NELL2: variants seen among roughly 807,000 people sequenced by gnomAD.
NELL2 encodes neural EGFL like 2.
A neutral mutation model predicts 109.6 loss-of-function variants in NELL2; 41 were observed. That is an observed-to-expected ratio of 0.37 (90% CI 0.29 to 0.49). NELL2 has a LOEUF of 0.49. Ranked by LOEUF, NELL2 falls within the 20% of genes least tolerant of loss-of-function variation. NELL2 has a pLI of 0.98. For synonymous variants in NELL2, 355 were observed against 344.7 expected, an observed-to-expected ratio of 1.03 and a Z score of -0.33; for missense variants, 900 against 1,008.3, an observed-to-expected ratio of 0.89 and a Z score of 1.45.
chr12:44,619,531 T>C (rs1945966810), intron 13 of NELL2, among the ~76,000 whole-genome samples: 1 of 152,176 alleles, frequency 6.6e-6, no homozygotes, highest in South Asian at 2.1e-4. Flanking sequence ...TCCTCCTTTA[T>C]TTCTTTTCCA....
rs1566148007 is a variant in NELL2 at position 44,681,394 on chromosome 12, T to A, written c.1319-15785A>T. 4.7e-5 allele frequency among the ~76,000 whole-genome samples: 7 copies of A among 149,790 alleles called. No individual in the cohort carries two copies. In the East Asian group the frequency reaches 1.4e-3, roughly 29 times the overall value. ...GTTGGCATAACCCTTTTTTATTTATTTTTATTTATTTTATTTTATTTTATT... is the reference window on the plus strand; with the variant it reads ...GTTGGCATAACCCTTTTTTATTTATATTTATTTATTTTATTTTATTTTATT... On this transcript the variant is annotated intron_variant, in intron 12 of 19. Transcript: ENST00000429094.
At chr12:44,838,091 G>A (rs1479531399) in intron 2 of NELL2, among the ~76,000 whole-genome samples, 1 of 152,150 alleles carries the variant, frequency 6.6e-6, no homozygotes, top group Non-Finnish European at 1.5e-5. Context: ...ACAATCCATA[G>A]AGTTTACCTT....
chr12:44,563,704 A>G (rs1299012714), intron 15 of NELL2, among the ~76,000 whole-genome samples: 2 of 152,248 alleles, frequency 1.3e-5, no homozygotes, highest in East Asian at 3.8e-4. Flanking sequence ...GGCCATCATT[A>G]TAAATATTAA....
rs748283455 is a variant in NELL2 at position 44,791,183 on chromosome 12, C to CATATATATATAT, written c.336-11173_336-11162dup. On this transcript the variant is annotated intron_variant, in intron 3 of 19. Transcript: ENST00000429094. ...CACACACACATATATAGTATTCCAT[C>CATATATATATAT]ATATATATATATATATATATATATA... 3.2e-3 allele frequency among the ~76,000 whole-genome samples: 49 copies of CATATATATATAT among 15,094 alleles called. 5 individuals carry two copies. Among genetic ancestry groups the CATATATATATAT allele is most frequent in the South Asian group, 6.0e-3 (1 of 168 alleles). The allele number at this position is 15,094 out of a possible 152,430, so 9.9% of individuals were successfully genotyped here.
intron 3 of NELL2, among the ~76,000 whole-genome samples, chr12:44,793,498 A>G (rs1025438085): frequency 6.6e-6 from 1 of 152,200 alleles, no homozygotes. Context: ...CCCCACTTTT[A>G]GAAATTATTA....
intron 16 of NELL2, among the ~76,000 whole-genome samples, chr12:44,530,406 G>A (rs577100092): frequency 1.3e-5 from 2 of 152,216 alleles, no homozygotes; most frequent in African/African-American, 4.8e-5. Context: ...AAGTTGGAAG[G>A]GAACGTAACT....
At chr12:44,902,322 T>C (rs941840577) in intron 1 of NELL2, among the ~76,000 whole-genome samples, 13 of 152,096 alleles carry the variant, frequency 8.5e-5, no homozygotes, top group Non-Finnish European at 1.3e-4. Flanking sequence ...GAGAATACAA[T>C]ACCTAGGAAT....
At chr12:44,876,339 G>T, upstream of NELL2, 2 of 1,199,474 alleles carry the variant, frequency 1.7e-6, no homozygotes, top group African/African-American at 1.6e-5. Context: ...GGAGACGCGC[G>T]GAGAGACTGC....
At chr12:44,729,276 T>C (rs557254236) in intron 9 of NELL2, among the ~76,000 whole-genome samples, 1 of 152,190 alleles carries the variant, frequency 6.6e-6, no homozygotes, top group South Asian at 2.1e-4. Context: ...GTTAAGTTGT[T>C]ATCAACTTAA....
intron 12 of NELL2, among the ~76,000 whole-genome samples, chr12:44,687,537 G>T (rs1290884642): frequency 1.3e-5 from 2 of 152,100 alleles, no homozygotes; most frequent in Non-Finnish European, 2.9e-5. Context: ...GATGTCTTTG[G>T]TGTTCGTGAT....
At chr12:44,684,424 C>G (rs1264189027) in intron 12 of NELL2, among the ~76,000 whole-genome samples, 1 of 151,196 alleles carries the variant, frequency 6.6e-6, no homozygotes, top group African/African-American at 2.5e-5. Context: ...TCCTTCAGTT[C>G]TGCTCTGATT....
intron 9 of NELL2, among the ~76,000 whole-genome samples, chr12:44,723,644 G>T (rs1450932658): frequency 4.0e-5 from 6 of 151,752 alleles, no homozygotes; most frequent in African/African-American, 1.5e-4. Context: ...TTTTGTTTGG[G>T]GTTTTTTTAA....
intron 15 of NELL2, among the ~76,000 whole-genome samples, chr12:44,592,984 C>T (rs1341738762): frequency 1.3e-5 from 2 of 152,106 alleles, no homozygotes; most frequent in African/African-American, 4.8e-5. Context: ...ATTTGGAACA[C>T]TCTGCTACAA....
intron 2 of NELL2, among the ~76,000 whole-genome samples, chr12:44,821,885 T>TTTTATTTATTTATTTA (rs199661897): frequency 1.4e-5 from 2 of 141,236 alleles, no homozygotes; most frequent in African/African-American, 2.6e-5. Flanking sequence ...GCCCGGCTGG[T>TTTTATTTATTTATTTA]TTTATTTATT....
chr12:44,748,069 A>T (rs1940476517), intron 9 of NELL2, among the ~76,000 whole-genome samples: 1 of 152,156 alleles, frequency 6.6e-6, no homozygotes, highest in Admixed American at 6.6e-5. Flanking sequence ...ATTGTTCATC[A>T]GAGGAGAAAC....
chr12:44,518,855 A>G (rs1486433438), intron 19 of NELL2, among the ~76,000 whole-genome samples: 2 of 152,262 alleles, frequency 1.3e-5, no homozygotes, highest in Non-Finnish European at 2.9e-5. Context: ...CATATACATT[A>G]TTAGTAACTT....
chr12:44,833,144 G>C (rs113455984), intron 2 of NELL2, among the ~76,000 whole-genome samples: 1 of 152,242 alleles, frequency 6.6e-6, no homozygotes, highest in East Asian at 1.9e-4. Context: ...TAAATGTTTT[G>C]CTTTTTGTTT....
At chr12:44,881,609 C>T (rs574951673) in intron 1 of NELL2, among the ~76,000 whole-genome samples, 1 of 151,922 alleles carries the variant, frequency 6.6e-6, no homozygotes, top group Non-Finnish European at 1.5e-5. Context: ...AGGGAGAAGA[C>T]TTTTTTTAAA....
intron 9 of NELL2, among the ~76,000 whole-genome samples, chr12:44,764,561 T>C (rs980532607): frequency 2.6e-5 from 4 of 152,102 alleles, no homozygotes; most frequent in African/African-American, 9.7e-5. Context: ...CAAACTAAAT[T>C]CTCCATTCAA....
Sources: allele counts gnomAD v4.1 joint callset (sites outside exome capture counted in the v4.1 genomes callset), GRCh38; gene constraint gnomAD v4.1.1; transcripts MANE v1.5; gene names NCBI Gene and HGNC (gene_info 2026-07-23, HGNC 2026-07-21).